The following PCDHA9 variants were observed in gnomAD, a reference collection of about 807,000 sequenced individuals.
PCDHA9 encodes protocadherin alpha-9.
PCDHA9 carries 62 observed loss-of-function variants against 62.0 expected under a neutral mutation model. That is an observed-to-expected ratio of 1.00 (90% confidence interval 0.81 to 1.23). PCDHA9 has a LOEUF of 1.23. Ranked by LOEUF, PCDHA9 falls within the 50% of genes most tolerant of loss-of-function variation. PCDHA9 has a pLI of 0.00. For synonymous variants in PCDHA9, 557 were observed against 567.6 expected (o/e 0.98, Z 0.27); for missense variants, 1,205 against 1,249.8 (o/e 0.96, Z 0.54).
At chr5:140,876,131 C>G in intron 1 of PCDHA9, 3 of 1,613,872 alleles carry the variant, frequency 1.9e-6, no homozygotes, top group Non-Finnish European at 2.5e-6. Context: ...GGCGGTAAAC[C>G]AGAACTAACA....
At chr5:140,927,720 G>A in intron 1 of PCDHA9, 6 of 1,614,174 alleles carry the variant, frequency 3.7e-6, no homozygotes, top group Non-Finnish European at 4.2e-6. Context: ...GCAACAGCAC[G>A]CAAGCAGAGC....
In PCDHA9 at chr5:140,849,976, T is replaced by A; in HGVS notation, c.1481T>A (p.Leu494Gln). 1.3e-6 allele frequency: 2 copies of A among 1,597,616 alleles called. No individual in the cohort carries two copies. The highest frequency in any genetic ancestry group is 1.7e-6 in the Non-Finnish European group (2 of 1,167,884). The change falls in exon 1 of 4, where the codon CTG becomes CAG. Residue 494 changes from leucine (L) to glutamine (Q), a missense_variant. Coordinates refer to ENST00000532602, the MANE Select transcript of PCDHA9 (RefSeq NM_031857.2). ...AQENALVSYS[L>Q]VERRLGERSL... ...GAGAACGCCCTGGTGTCCTACTCGC[T>A]GGTGGAGCGGCGGTTGGGCGAGCGC...
Position 140,927,344 on chromosome 5 carries a change from A to G in PCDHA9, c.2395-51605A>G, listed in dbSNP as rs144568777. 1.0e-4 allele frequency: 168 copies of G among 1,613,994 alleles called. No homozygotes were observed. Among genetic ancestry groups the G allele is most frequent in the Middle Eastern group, 8.2e-4 (5 of 6,062 alleles). On this transcript the variant is annotated intron_variant, in intron 1 of 3. Transcript: ENST00000532602. ...TTTACTCTCCCGAATGCCCAAGATGACGACGAGGGAAGCAATGGGATACTA... is the reference window on the plus strand; with the variant it reads ...TTTACTCTCCCGAATGCCCAAGATGGCGACGAGGGAAGCAATGGGATACTA...
At chr5:140,905,380 T>G (rs1226315920) in intron 1 of PCDHA9, among the ~76,000 whole-genome samples, 1 of 152,216 alleles carries the variant, frequency 6.6e-6, no homozygotes, top group African/African-American at 2.4e-5. Context: ...TCTGTTCTGT[T>G]TCATAGGTCT....
chr5:140,997,866 TG>T (rs1554256038), intron 3 of PCDHA9, among the ~76,000 whole-genome samples: 1 of 152,216 alleles, frequency 6.6e-6, no homozygotes, highest in African/African-American at 2.4e-5. Context: ...TTCTTATGCA[TG>T]CTTGCTAGTA....
chr5:141,006,290 C>G (rs1465211339), intron 3 of PCDHA9, among the ~76,000 whole-genome samples: 5 of 152,050 alleles, frequency 3.3e-5, no homozygotes, highest in Non-Finnish European at 5.9e-5. Flanking sequence ...CAGCTCACTG[C>G]AAGCTCCACT....
At chr5:140,972,854 G>C (rs895738831) in intron 1 of PCDHA9, among the ~76,000 whole-genome samples, 1 of 151,946 alleles carries the variant, frequency 6.6e-6, no homozygotes, top group African/African-American at 2.4e-5. Context: ...AGTAGAGATG[G>C]GGTTTCATCA....
In PCDHA9 at chr5:140,902,185, T is replaced by TTC. The variant is rs370111655; in HGVS notation, c.2394+51310_2394+51311dup. On this transcript the variant is annotated intron_variant, in intron 1 of 3. Transcript: ENST00000532602. ...TTCTAATTTGGATGTCCTTTATGTC[T>TTC]TCTCTCTCTCTCTCTTTCTTTTTTT... Among the ~76,000 whole-genome samples the TTC allele has an allele frequency of 1.5e-3, 225 of 150,894 alleles. 1 individual carries two copies. The highest frequency in any genetic ancestry group is 2.6e-3 in the Admixed American group (40 of 15,130).
chr5:140,852,099 AT>A, intron 1 of PCDHA9: 1 of 909,604 alleles, frequency 1.1e-6, no homozygotes, highest in Non-Finnish European at 1.3e-6. Flanking sequence ...TGTGTCAGAT[AT>A]TTTACAAGGT....
intron 1 of PCDHA9, among the ~76,000 whole-genome samples, chr5:140,940,999 A>C (rs2092715324): frequency 1.3e-5 from 2 of 152,264 alleles, no homozygotes; most frequent in Admixed American, 1.3e-4. Context: ...TATAGGATTA[A>C]ATTTTCCTTT....
chr5:140,986,753 A>C (rs2097211895), intron 3 of PCDHA9, among the ~76,000 whole-genome samples: 1 of 152,236 alleles, frequency 6.6e-6, no homozygotes, highest in Non-Finnish European at 1.5e-5. Flanking sequence ...CTGGGACTAA[A>C]CAGTGAAAGA....
intron 1 of PCDHA9, chr5:140,876,434 A>G (rs2056340599): frequency 1.2e-6 from 2 of 1,613,976 alleles, no homozygotes; most frequent in Non-Finnish European, 1.7e-6. Flanking sequence ...ATTCAGGTTA[A>G]CGCCATTGAT....
At chr5:140,908,602 G>T (rs542051868) in intron 1 of PCDHA9, among the ~76,000 whole-genome samples, 67 of 152,202 alleles carry the variant, frequency 4.4e-4, no homozygotes, top group African/African-American at 1.3e-3. Context: ...AAGATGGAAG[G>T]GCCTTGCTCC....
At chr5:140,896,450 C>T (rs1009231622) in intron 1 of PCDHA9, among the ~76,000 whole-genome samples, 1 of 152,092 alleles carries the variant, frequency 6.6e-6, no homozygotes, top group East Asian at 1.9e-4. Flanking sequence ...GCAACCTCCA[C>T]CTCCTGGGTT....
chr5:140,932,637 T>G (rs1554209011), intron 1 of PCDHA9, among the ~76,000 whole-genome samples: 2 of 151,870 alleles, frequency 1.3e-5, no homozygotes, highest in Non-Finnish European at 3.0e-5. Flanking sequence ...TAAAAAACTT[T>G]AGAATGATGA....
chr5:140,869,793 C>A (rs782122541), intron 1 of PCDHA9: 44 of 1,612,682 alleles, frequency 2.7e-5, no homozygotes, highest in Non-Finnish European at 3.7e-5. Context: ...GGCTGTTAGT[C>A]CAAGTCTTGG....
At chr5:140,983,178 A>G (rs1302819191) in intron 3 of PCDHA9, among the ~76,000 whole-genome samples, 2 of 152,158 alleles carry the variant, frequency 1.3e-5, no homozygotes, top group Admixed American at 6.5e-5. Context: ...CCGCCTCACA[A>G]TTTCTTAGTT....
At chr5:140,871,596 C>A in intron 1 of PCDHA9, 1 of 1,453,960 alleles carries the variant, frequency 6.9e-7, no homozygotes. Context: ...TATGAATAAC[C>A]AGTGTTTTGA....
chr5:140,882,545 G>A (rs1174281421), intron 1 of PCDHA9: 4 of 1,614,238 alleles, frequency 2.5e-6, no homozygotes. Context: ...GATCGACCGC[G>A]AGGAGCTGTG....
Sources: allele counts gnomAD v4.1 joint callset (sites outside exome capture counted in the v4.1 genomes callset), GRCh38; gene constraint gnomAD v4.1.1; transcripts MANE v1.5; gene names NCBI Gene and HGNC (gene_info 2026-07-23, HGNC 2026-07-21).